FMN1: variants seen among roughly 807,000 people sequenced by gnomAD.
The protein encoded by FMN1 is formin-1.
In FMN1, 110 loss-of-function variants were observed where a neutral mutation model predicts 132.4. The observed-to-expected ratio is 0.83, with a 90% CI of 0.71 to 0.97. The LOEUF (loss-of-function observed/expected upper bound fraction) is 0.97, where lower values mean the gene tolerates loss of function less well. Among genes scored for constraint, FMN1 ranks in the 50% least tolerant of loss-of-function variants. The pLI, the probability that FMN1 is intolerant of heterozygous loss-of-function variation, is 0.00. For synonymous variants in FMN1, 722 were observed against 651.7 expected, an observed-to-expected ratio of 1.11 and a Z score of -1.64; for missense variants, 1,792 against 1,705.3, an observed-to-expected ratio of 1.05 and a Z score of -0.90.
At chr15:32,951,290 A>C (rs1463114353) in intron 9 of FMN1, among the ~76,000 whole-genome samples, 2 of 152,230 alleles carry the variant, frequency 1.3e-5, no homozygotes, top group East Asian at 3.8e-4. Context: ...ATACAAATAG[A>C]ACTAGAAAAT....
intron 6 of FMN1, among the ~76,000 whole-genome samples, chr15:33,039,180 A>G (rs2036315090): frequency 1.3e-5 from 2 of 152,192 alleles, no homozygotes; most frequent in African/African-American, 4.8e-5. Context: ...AGAAAAGGTA[A>G]TGGGAAAGTG....
At chr15:32,872,565 C>A (rs1191345372) in intron 16 of FMN1, among the ~76,000 whole-genome samples, 1 of 152,228 alleles carries the variant, frequency 6.6e-6, no homozygotes, top group Non-Finnish European at 1.5e-5. Context: ...AGGATTCTCT[C>A]ACACATACAC....
At chr15:32,942,746 A>G (rs1316113955) in intron 9 of FMN1, among the ~76,000 whole-genome samples, 1 of 152,212 alleles carries the variant, frequency 6.6e-6, no homozygotes. Flanking sequence ...TTCCATCTCC[A>G]GCACAGTCAG....
intron 2 of FMN1, among the ~76,000 whole-genome samples, chr15:33,181,707 C>CTTTTTTTTTTTTTTTTTTTTTTT (rs753993602): frequency 7.9e-6 from 1 of 126,216 alleles, no homozygotes; most frequent in Non-Finnish European, 1.7e-5. Flanking sequence ...TTTTTTCTTT[C>CTTTTTTTTTTTTTTTTTTTTTTT]TTTTTTTTTT....
intron 19 of FMN1, among the ~76,000 whole-genome samples, chr15:32,794,474 C>T (rs2057208246): frequency 6.6e-6 from 1 of 152,018 alleles, no homozygotes; most frequent in Admixed American, 6.6e-5. Flanking sequence ...GCTTCGTGTG[C>T]ATGCGCGGGC....
At chr15:33,159,603 C>T (rs57808122) in intron 3 of FMN1, among the ~76,000 whole-genome samples, 4,815 of 152,272 alleles carry the variant, frequency 0.032, 284 homozygotes, top group African/African-American at 0.11. Flanking sequence ...CATGGAGCAG[C>T]TATTTGAACA....
chr15:32,898,843 G>A lies in FMN1; in HGVS notation c.3705C>T (p.Tyr1235=). The stretch of plus-strand genomic sequence containing the variant: ...TAATACCATTTCTTACCTGATCATA[G>A]TAACGCAGGTAATACTTAACAACGT... The part of the protein sequence containing the change: ...VDYVVKYYLR[Y]YDQEAGTEKS... Residue 1235 remains tyrosine, a synonymous_variant, in exon 15 of 21, where the codon TAC becomes TAT. Coordinates refer to ENST00000616417, the MANE Select transcript of FMN1 (RefSeq NM_001277313.2). The A allele has an allele frequency of 3.1e-6, 5 of 1,595,616 alleles. No homozygotes were observed. The highest frequency in any genetic ancestry group is 4.3e-6 in the Non-Finnish European group (5 of 1,164,244).
chr15:32,902,101 A>G, intron 12 of FMN1, 61 bp from the exon 13 acceptor site: 1 of 1,478,038 alleles, frequency 6.8e-7, no homozygotes, highest in East Asian at 2.3e-5. Flanking sequence ...ATAAAAAGAC[A>G]GCTGAAAAAG....
chr15:32,792,805 G>A (rs1294663986), intron 19 of FMN1, among the ~76,000 whole-genome samples: 2 of 152,184 alleles, frequency 1.3e-5, no homozygotes, highest in African/African-American at 4.8e-5. Context: ...GGTAGCAGTA[G>A]ACCTGACGTG....
intron 7 of FMN1, among the ~76,000 whole-genome samples, chr15:33,005,154 C>T (rs556176144): frequency 2.6e-5 from 4 of 151,312 alleles, no homozygotes; most frequent in South Asian, 2.1e-4. Context: ...CAAACCTGCA[C>T]GTTGTGCATA....
intron 4 of FMN1, among the ~76,000 whole-genome samples, chr15:33,121,843 TTC>T (rs755153380): frequency 6.6e-6 from 1 of 152,026 alleles, no homozygotes; most frequent in Admixed American, 6.5e-5. Flanking sequence ...ATTTTTGTTT[TTC>T]TGTTTGTTTG....
At chr15:32,997,321 C>CTTT (rs113292190) in intron 7 of FMN1, among the ~76,000 whole-genome samples, 6,235 of 142,976 alleles carry the variant, frequency 0.044, 202 homozygotes, top group East Asian at 0.14. Context: ...ATATCACCGT[C>CTTT]TTTTTTTTTT....
At chr15:32,908,318 C>G in intron 12 of FMN1, 172 bp downstream of exon 12, 3 of 551,394 alleles carry the variant, frequency 5.4e-6, no homozygotes, top group Admixed American at 6.1e-5. Context: ...AATCTCAGCG[C>G]TGCTTTTCCC....
At chr15:32,813,109 C>T (rs1279853647) in intron 17 of FMN1, among the ~76,000 whole-genome samples, 1 of 152,060 alleles carries the variant, frequency 6.6e-6, no homozygotes, top group Non-Finnish European at 1.5e-5. Context: ...TATTAGGTAT[C>T]ATAAGTAATC....
chr15:33,118,816 A>G (rs776736821), intron 4 of FMN1, among the ~76,000 whole-genome samples: 2 of 152,074 alleles, frequency 1.3e-5, no homozygotes, highest in African/African-American at 2.4e-5. Context: ...ATGGTATAAA[A>G]TCTTTAAATT....
In FMN1 at chr15:32,770,058, G is replaced by A. The variant is rs929999020; in HGVS notation, c.*4252C>T. ...GATCAGATATGTGGGAGGGGGGAAGGCTATATATTTTTGGACTTCTTCCTT... is the reference window on the plus strand; with the variant it reads ...GATCAGATATGTGGGAGGGGGGAAGACTATATATTTTTGGACTTCTTCCTT... On this transcript the variant is annotated 3_prime_UTR_variant, in exon 21 of 21. Transcript: ENST00000616417. The A allele has an allele frequency of 2.6e-5, 4 of 152,100 alleles. No individual in the cohort carries two copies. The highest frequency in any genetic ancestry group is 9.7e-5 in the African/African-American group (4 of 41,400). The allele number at this position is 152,100 out of a possible 1,614,324, so 9.4% of individuals were successfully genotyped here. A position where few individuals can be genotyped will look rare whatever the true frequency, so the allele number is the denominator to read the frequency against.
At position 32,770,138 on chromosome 15, in the gene FMN1, A is replaced by G. The variant is rs3110558; in HGVS notation, c.*4172T>C. 108,191 of 152,050 alleles carry G rather than the reference A, an allele frequency of 0.71. 39,829 individuals are homozygous for G. Among genetic ancestry groups the G allele is most frequent in the Non-Finnish European group, 0.8 (54,329 of 67,998 alleles). The allele number at this position is 152,050 out of a possible 1,614,324, so 9.4% of individuals were successfully genotyped here. A position where few individuals can be genotyped will look rare whatever the true frequency, so the allele number is the denominator to read the frequency against. On this transcript the variant is annotated 3_prime_UTR_variant, in exon 21 of 21. Transcript: ENST00000616417. ...ATCTTTGTTGTTTTTGTGGATGGAG[A>G]TGAGTACTACAAAATTGACCAATTT... is the stretch of plus-strand genomic sequence containing the variant.
chr15:32,794,473 G>A (rs2057208122), intron 19 of FMN1, among the ~76,000 whole-genome samples: 1 of 152,062 alleles, frequency 6.6e-6, no homozygotes, highest in South Asian at 2.1e-4. Flanking sequence ...TGCTTCGTGT[G>A]CATGCGCGGG....
rs11333611 is a variant in FMN1 at position 32,885,805 on chromosome 15, A to AT, written c.3835+2366dup. ...CATTAGGTTAAGGTGTGTTAATACT[A>AT]TTTTTTTTTTTTTTTAAAAGACTCT... On this transcript the variant is annotated intron_variant, in intron 16 of 20. Transcript: ENST00000616417. 7.3e-3 allele frequency among the ~76,000 whole-genome samples: 1,057 copies of AT among 144,200 alleles called. 9 individuals carry two copies. Among genetic ancestry groups the AT allele is most frequent in the African/African-American group, 0.019 (769 of 39,712 alleles). 94.6% of individuals were successfully genotyped at this position (144,200 alleles called of 152,430 possible).
Sources: allele counts gnomAD v4.1 joint callset (sites outside exome capture counted in the v4.1 genomes callset), GRCh38; gene constraint gnomAD v4.1.1; transcripts MANE v1.5; gene names NCBI Gene and HGNC (gene_info 2026-07-23, HGNC 2026-07-21).